The following NCAPG2 variants were observed in gnomAD, a reference collection of about 807,000 sequenced individuals.
NCAPG2 encodes condensin-2 complex subunit G2.
Under a neutral mutation model 141.1 loss-of-function variants are expected in NCAPG2, and 53 were observed. The observed-to-expected ratio is 0.38, with a 90% CI of 0.30 to 0.47. NCAPG2 has a LOEUF of 0.47. NCAPG2 is among the 20% of genes least tolerant of loss of function. The pLI is 0.99. For missense variants in NCAPG2, 1,087 were observed against 1,389.0 expected, an observed-to-expected ratio of 0.78 and a Z score of 3.46; for synonymous variants, 499 against 490.7, an observed-to-expected ratio of 1.02 and a Z score of -0.22.
At chr7:158,649,514 G>A (rs1471353117) in intron 24 of NCAPG2, among the ~76,000 whole-genome samples, 2 of 152,102 alleles carry the variant, frequency 1.3e-5, no homozygotes, top group Non-Finnish European at 2.9e-5. Flanking sequence ...GTGACTCACA[G>A]GTCAAACATT....
chr7:158,689,696 A>G, intron 6 of NCAPG2, 123 bp downstream of exon 6: 1 of 811,274 alleles, frequency 1.2e-6, no homozygotes, highest in Non-Finnish European at 1.8e-6. Flanking sequence ...AATCATGTGC[A>G]GTAAATAGCT....
At position 158,664,761 on chromosome 7, in the gene NCAPG2, A is replaced by G; in HGVS notation, c.1480-11T>C. 1 of 1,607,902 alleles carries G rather than the reference A, an allele frequency of 6.2e-7. No individual in the cohort carries two copies. Among genetic ancestry groups the G allele is most frequent in the Non-Finnish European group, 8.5e-7 (1 of 1,174,644 alleles). Reference sequence around the variant, plus strand: ...ACATATTTTCCAAAACTGTGCAAAAAGCACATATGCAGAAGGAAATAATCA... The same window carrying G: ...ACATATTTTCCAAAACTGTGCAAAAGGCACATATGCAGAAGGAAATAATCA... On this transcript the variant is annotated splice_polypyrimidine_tract_variant and intron_variant, in intron 13 of 27. Coordinates refer to ENST00000356309, the MANE Select transcript of NCAPG2 (RefSeq NM_017760.7).
chr7:158,672,573 C>T (rs1833809669), intron 12 of NCAPG2, among the ~76,000 whole-genome samples: 1 of 151,744 alleles, frequency 6.6e-6, no homozygotes, highest in Middle Eastern at 3.2e-3. Context: ...GATCTCCTGA[C>T]CTCGTGATCT....
intron 2 of NCAPG2, among the ~76,000 whole-genome samples, chr7:158,699,124 T>C (rs1431835691): frequency 2.0e-5 from 3 of 152,146 alleles, no homozygotes; most frequent in Non-Finnish European, 4.4e-5. Context: ...TTGTTTTTCT[T>C]CCTCTACCAC....
At chr7:158,662,401 T>C in intron 15 of NCAPG2, 34 bp from the exon 16 acceptor site, 1 of 1,494,998 alleles carries the variant, frequency 6.7e-7, no homozygotes, top group Admixed American at 2.3e-5. Flanking sequence ...TGAAAGGATC[T>C]AATCATAGCA....
At chr7:158,657,907 T>A (rs1313621323) in intron 17 of NCAPG2, among the ~76,000 whole-genome samples, 1 of 151,910 alleles carries the variant, frequency 6.6e-6, no homozygotes, top group Non-Finnish European at 1.5e-5. Flanking sequence ...GTTAAATGGA[T>A]TAAGGGCGGT....
At chr7:158,654,906 C>T (rs982997011) in intron 21 of NCAPG2, 82 of 1,127,126 alleles carry the variant, frequency 7.3e-5, no homozygotes, top group Admixed American at 9.6e-5. Flanking sequence ...CAAACATAAT[C>T]GAACACCTCT....
intron 4 of NCAPG2, among the ~76,000 whole-genome samples, chr7:158,692,484 T>C (rs1835180721): frequency 6.6e-6 from 1 of 152,128 alleles, no homozygotes; most frequent in Non-Finnish European, 1.5e-5. Context: ...AAAGTATCAT[T>C]TCAGGCCAGC....
intron 13 of NCAPG2, chr7:158,667,246 G>A: frequency 1.9e-5 from 19 of 984,454 alleles, no homozygotes; most frequent in Non-Finnish European, 2.3e-5. Context: ...AAACTTCCTG[G>A]TGGGCCAGAG....
intron 12 of NCAPG2, 59 bp from the exon 13 acceptor site, chr7:158,671,725 G>A: frequency 6.4e-7 from 1 of 1,563,152 alleles, no homozygotes; most frequent in African/African-American, 1.4e-5. Flanking sequence ...AAAGGTTCAG[G>A]TAGGAAAACT....
At chr7:158,657,957 T>C (rs571430023) in intron 17 of NCAPG2, among the ~76,000 whole-genome samples, 48 of 151,944 alleles carry the variant, frequency 3.2e-4, no homozygotes, top group African/African-American at 1.1e-3. Context: ...GAAGGCAGCA[T>C]GCTCGTTAAG....
At chr7:158,652,095 C>G (rs1831533990) in intron 23 of NCAPG2, among the ~76,000 whole-genome samples, 198 bp downstream of exon 23, 1 of 152,166 alleles carries the variant, frequency 6.6e-6, no homozygotes, top group Non-Finnish European at 1.5e-5. Flanking sequence ...GTCACCATCT[C>G]CCTCTCAGTG....
intron 4 of NCAPG2, 76 bp from the exon 5 acceptor site, chr7:158,690,798 A>G: frequency 7.6e-7 from 1 of 1,316,604 alleles, no homozygotes; most frequent in African/African-American, 1.5e-5. Flanking sequence ...TTAGAGTATC[A>G]TGACTTTATA....
At chr7:158,674,082 G>A (rs969827315) in intron 12 of NCAPG2, among the ~76,000 whole-genome samples, 7 of 152,158 alleles carry the variant, frequency 4.6e-5, no homozygotes, top group African/African-American at 1.7e-4. Flanking sequence ...TAAGAAGGTT[G>A]CTCCTAACAA....
At chr7:158,684,651 T>A (rs1834644057) in intron 8 of NCAPG2, among the ~76,000 whole-genome samples, 1 of 152,176 alleles carries the variant, frequency 6.6e-6, no homozygotes, top group South Asian at 2.1e-4. Context: ...CAGAGAGGAA[T>A]GGAGTGAGAC....
Position 158,650,928 on chromosome 7 carries a change from A to T in NCAPG2, c.2979T>A (p.Ala993=). 6.2e-7 allele frequency: 1 copy of T among 1,613,958 alleles called. No individual in the cohort carries two copies. The highest frequency in any genetic ancestry group is 8.5e-7 in the Non-Finnish European group (1 of 1,179,926). Residue 993 remains alanine (A), a synonymous_variant, in exon 24 of 28, where the codon GCT becomes GCA. Transcript: ENST00000356309. ...GGGTGTCTGTGTGCCGAGACTGAAC[A>T]GCAGTAATGAACTCATGAAGAGGCC... ...VQRPLHEFIT[A]VQSRHTDTPV... is the part of the protein sequence containing the mutation.
At chr7:158,642,216 AT>A (rs1830696459) in intron 27 of NCAPG2, among the ~76,000 whole-genome samples, 1 of 152,218 alleles carries the variant, frequency 6.6e-6, no homozygotes, top group Non-Finnish European at 1.5e-5. Context: ...TTTATCAAAA[AT>A]TTGTGAGATG....
At chr7:158,667,560 T>A (rs1365308603) in intron 13 of NCAPG2, among the ~76,000 whole-genome samples, 1 of 19,424 alleles carries the variant, frequency 5.1e-5, no homozygotes. Context: ...GCTTACCCAC[T>A]ACTGGGTCCC....
chr7:158,675,719 T>G (rs1834007956), intron 11 of NCAPG2, 63 bp from the exon 12 acceptor site: 31 of 1,526,958 alleles, frequency 2.0e-5, no homozygotes, highest in Non-Finnish European at 2.7e-5. Flanking sequence ...CCACATCTGC[T>G]TCACACGTGA....
Sources: allele counts gnomAD v4.1 joint callset (sites outside exome capture counted in the v4.1 genomes callset), GRCh38; gene constraint gnomAD v4.1.1; transcripts MANE v1.5; gene names NCBI Gene and HGNC (gene_info 2026-07-23, HGNC 2026-07-21).